The following PHF7 variants were observed in gnomAD, a reference collection of about 807,000 sequenced individuals.
The protein encoded by PHF7 is E3 ubiquitin-protein ligase PHF7.
Under a neutral mutation model 47.5 loss-of-function variants are expected in PHF7, and 24 were observed. That is an observed-to-expected ratio of 0.51 (90% CI 0.37 to 0.71). The LOEUF (loss-of-function observed/expected upper bound fraction) is 0.71. PHF7 is among the 30% of genes least tolerant of loss of function. The pLI is 0.00. For missense variants in PHF7, 361 were observed against 456.8 expected (o/e 0.79, Z 1.91); for synonymous variants, 156 against 153.8 (o/e 1.01, Z -0.11).
intron 4 of PHF7, among the ~76,000 whole-genome samples, chr3:52,417,695 G>A (rs933831763): frequency 6.6e-6 from 1 of 152,160 alleles, no homozygotes; most frequent in African/African-American, 2.4e-5. Flanking sequence ...CTTGTTACAG[G>A]ATTCCCTATG....
intron 4 of PHF7, among the ~76,000 whole-genome samples, chr3:52,418,289 A>AT (rs1433209224): frequency 6.6e-6 from 1 of 152,178 alleles, no homozygotes; most frequent in African/African-American, 2.4e-5. Flanking sequence ...AAGCATATAC[A>AT]TTTTTTACAT....
chr3:52,418,690 A>G (rs1705693093), intron 4 of PHF7, among the ~76,000 whole-genome samples: 1 of 152,158 alleles, frequency 6.6e-6, no homozygotes, highest in African/African-American at 2.4e-5. Flanking sequence ...CTGGGTGTGA[A>G]TAGCCAGCTC....
rs1705415920 is a variant in PHF7, at chr3:52,411,162, G to C, written c.-155G>C. The C allele has an allele frequency of 6.6e-6, 1 of 152,230 alleles. No individual in the cohort carries two copies. The highest frequency in any genetic ancestry group is 6.5e-5 in the Admixed American group (1 of 15,286). The allele number at this position is 152,230 out of a possible 1,614,324, so 9.4% of individuals were successfully genotyped here. ...CCACCCCTCAGATGTTTTGAAGATC[G>C]TGACGTCTTGTAACTAGCAGTGTGT... On this transcript the variant is annotated 5_prime_UTR_variant, in exon 1 of 11. Coordinates refer to ENST00000327906, the MANE Select transcript of PHF7 (RefSeq NM_016483.7).
chr3:52,412,965 G>C (rs1301315786), intron 2 of PHF7, 45 bp downstream of exon 2: 1 of 1,480,914 alleles, frequency 6.8e-7, no homozygotes, highest in South Asian at 1.1e-5. Context: ...TTGTCCAATG[G>C]CCTGTGGTAT....
At chr3:52,423,031 G>A (rs1559603418) in intron 10 of PHF7, 60 bp from the exon 11 acceptor site, 11 of 1,483,660 alleles carry the variant, frequency 7.4e-6, no homozygotes, top group Middle Eastern at 1.7e-4. Flanking sequence ...AGGAGCTTAA[G>A]GACCTGTGCC....
At position 52,414,577 on chromosome 3, in the gene PHF7, A is replaced by T. The variant is rs754883522; in HGVS notation, c.176A>T (p.Tyr59Phe). ...CAGAAAGACAATATCAGCGTGCATT[A>T]TTTCTGTCTTGTGAGTATGAGGCCT... ...FLQKDNISVH[Y>F]FCLILSSKLP... The change falls in exon 4 of 11, where the codon TAT (tyrosine) becomes TTT (phenylalanine). Residue 59 changes from tyrosine to phenylalanine, a missense_variant. Coordinates refer to ENST00000327906, the MANE Select transcript of PHF7 (RefSeq NM_016483.7). 4 of 1,606,082 alleles carry T rather than the reference A, an allele frequency of 2.5e-6. No individual in the cohort carries two copies. The highest frequency in any genetic ancestry group is 3.4e-6 in the Non-Finnish European group (4 of 1,173,552).
chr3:52,410,737 C>T lies in PHF7; in HGVS notation c.-580C>T, dbSNP rs1019246630. On this transcript the variant is annotated 5_prime_UTR_variant, in exon 1 of 11. Transcript: ENST00000327906. Reference sequence around the variant, plus strand: ...ACGGCCTGTGTCAACGACTAAAGCTCCAGTACAGCGGCGCCCTCAGACAGC... The same window carrying T: ...ACGGCCTGTGTCAACGACTAAAGCTTCAGTACAGCGGCGCCCTCAGACAGC... The T allele has an allele frequency of 6.6e-6, 1 of 152,508 alleles. No individual in the cohort carries two copies. Among genetic ancestry groups the T allele is most frequent in the Non-Finnish European group, 1.5e-5 (1 of 68,092 alleles). 9.4% of individuals were successfully genotyped at this position (152,508 alleles called of 1,614,324 possible). A position where few individuals can be genotyped will look rare whatever the true frequency, so the allele number is the denominator to read the frequency against.
chr3:52,417,744 T>C (rs1050928689), intron 4 of PHF7, among the ~76,000 whole-genome samples: 21 of 152,238 alleles, frequency 1.4e-4, no homozygotes, highest in Non-Finnish European at 2.9e-4. Flanking sequence ...ACAGTTCTAC[T>C]TCTTTCTCTC....
intron 4 of PHF7, among the ~76,000 whole-genome samples, chr3:52,415,404 A>G (rs1054245424): frequency 4.6e-5 from 7 of 152,168 alleles, no homozygotes; most frequent in African/African-American, 1.7e-4. Flanking sequence ...CGTGTTAGCC[A>G]GGCTGGTCTT....
At chr3:52,414,260 C>T (rs1045219564) in intron 3 of PHF7, among the ~76,000 whole-genome samples, 1 of 151,690 alleles carries the variant, frequency 6.6e-6, no homozygotes, top group African/African-American at 2.4e-5. Flanking sequence ...TAGAACAAAA[C>T]AAAACCAAAA....
intron 4 of PHF7, among the ~76,000 whole-genome samples, chr3:52,417,752 C>T (rs1705667167): frequency 6.6e-6 from 1 of 152,192 alleles, no homozygotes; most frequent in Admixed American, 6.5e-5. Context: ...ACTTCTTTCT[C>T]TCAATCTTTG....
Position 52,422,901 on chromosome 3 carries a change from C to G in PHF7, c.919+20C>G. The G allele has an allele frequency of 6.2e-7, 1 of 1,613,812 alleles. No individual in the cohort carries two copies. Among genetic ancestry groups the G allele is most frequent in the Non-Finnish European group, 8.5e-7 (1 of 1,179,900 alleles). The stretch of plus-strand genomic sequence containing the variant: ...CCACAGGTGAGGCTGGAGGGATGGG[C>G]CGGCCTCAGAGCAAGGAGGGGGCTG... On this transcript the variant is annotated intron_variant, in intron 10 of 10. Coordinates refer to ENST00000327906, the MANE Select transcript of PHF7 (RefSeq NM_016483.7).
intron 4 of PHF7, among the ~76,000 whole-genome samples, chr3:52,416,758 A>G (rs1421603280): frequency 6.6e-6 from 1 of 150,866 alleles, no homozygotes; most frequent in East Asian, 2.0e-4. Flanking sequence ...GCGTGAACCC[A>G]GGAAGTGGAG....
At chr3:52,419,452 CAG>C (rs1293210690) in intron 4 of PHF7, among the ~76,000 whole-genome samples, 3 of 139,238 alleles carry the variant, frequency 2.2e-5, no homozygotes, top group Non-Finnish European at 3.1e-5. Context: ...TTTTTTGAGA[CAG>C]AGTCTTGTTC....
rs532480787 is a variant in PHF7, at chr3:52,415,553, A to G, written c.186+966A>G. 6.6e-5 allele frequency among the ~76,000 whole-genome samples: 10 copies of G among 152,294 alleles called. No homozygotes were observed. In the South Asian group the frequency reaches 1.9e-3, roughly 28 times the overall value. On this transcript the variant is annotated intron_variant, in intron 4 of 10. Transcript: ENST00000327906. Reference sequence around the variant, plus strand: ...TCCCTCCTGCCTCCTTTTCCAGTCAATCCCACTAGACGTAATCACTGTTCT... The same window carrying G: ...TCCCTCCTGCCTCCTTTTCCAGTCAGTCCCACTAGACGTAATCACTGTTCT...
chr3:52,421,086 C>T, intron 7 of PHF7, 24 bp downstream of exon 7: 2 of 1,580,080 alleles, frequency 1.3e-6, no homozygotes, highest in South Asian at 1.2e-5. Flanking sequence ...CGCCCTGGGT[C>T]CCTTCCACCA....
chr3:52,414,680 T>C, intron 4 of PHF7, 93 bp downstream of exon 4: 2 of 695,400 alleles, frequency 2.9e-6, no homozygotes. Context: ...CACAGCCTTG[T>C]TTTTTTATTT....
chr3:52,423,478 A>G lies in PHF7; in HGVS notation c.*161A>G, dbSNP rs780197759. 3.3e-6 allele frequency: 2 copies of G among 597,150 alleles called. No homozygotes were observed. The highest frequency in any genetic ancestry group is 1.9e-5 in the African/African-American group (1 of 53,726). The allele number at this position is 597,150 out of a possible 1,614,324, so 37.0% of individuals were successfully genotyped here. ...AAGTCTCAGTGGAGCATGAGGAGGG[A>G]GCAGTCCAGATGCCAACAAGGAAAT... is the stretch of plus-strand genomic sequence containing the variant. On this transcript the variant is annotated 3_prime_UTR_variant, in exon 11 of 11. Coordinates refer to ENST00000327906, the MANE Select transcript of PHF7 (RefSeq NM_016483.7).
rs575708155 is a variant in PHF7 at position 52,412,194 on chromosome 3, C to G, written c.-69-617C>G. Among the ~76,000 whole-genome samples, 4 of 146,538 alleles carry G rather than the reference C, an allele frequency of 2.7e-5. No individual in the cohort carries two copies. The East Asian group carries it at 5.8e-4, about 21-fold the overall frequency. ...TCCAGCCTGGGCAACAATGAGAGAC[C>G]CTGTCTGAAAAAAAAAAAAAGTGAT... On this transcript the variant is annotated intron_variant, in intron 1 of 10. Transcript: ENST00000327906.
Sources: gnomAD v4.1 joint callset for allele counts (sites outside exome capture counted in the v4.1 genomes callset) on GRCh38, gnomAD v4.1.1 for gene constraint, MANE v1.5 for transcripts, NCBI Gene and HGNC (gene_info 2026-07-23, HGNC 2026-07-21) for gene names.